The following PIK3R4 variants were observed in gnomAD, a reference collection of about 807,000 sequenced individuals.
PIK3R4 encodes the protein phosphoinositide-3-kinase regulatory subunit 4, also known as phosphoinositide 3-kinase regulatory subunit 4.
PIK3R4 carries 46 observed loss-of-function variants against 136.5 expected under a neutral mutation model. The ratio of observed to expected loss-of-function variants is 0.34; its 90% confidence interval spans 0.27 to 0.43. The LOEUF is 0.43. PIK3R4 is among the 20% of genes least tolerant of loss of function. The pLI, the probability that PIK3R4 is intolerant of heterozygous loss-of-function variation, is 1.00. For synonymous variants in PIK3R4, 557 were observed against 566.7 expected, an observed-to-expected ratio of 0.98 and a Z score of 0.24; for missense variants, 1,331 against 1,649.5, an observed-to-expected ratio of 0.81 and a Z score of 3.35.
intron 6 of PIK3R4, among the ~76,000 whole-genome samples, chr3:130,724,817 C>G (rs2066722634): frequency 1.3e-5 from 2 of 151,794 alleles, no homozygotes; most frequent in Admixed American, 1.3e-4. Context: ...AAATCTTCAT[C>G]TGGCACAGAA....
At chr3:130,689,982 C>T (rs976745915) in intron 14 of PIK3R4, among the ~76,000 whole-genome samples, 4 of 152,174 alleles carry the variant, frequency 2.6e-5, no homozygotes, top group East Asian at 1.9e-4. Flanking sequence ...ATAAAACCAC[C>T]GCTATTTTGT....
At chr3:130,706,439 G>A (rs1020751927) in intron 11 of PIK3R4, among the ~76,000 whole-genome samples, 3 of 152,100 alleles carry the variant, frequency 2.0e-5, no homozygotes, top group African/African-American at 7.2e-5. Context: ...TATGGGTACC[G>A]GAAGTACAGT....
chr3:130,702,378 T>A (rs1212747560), intron 13 of PIK3R4, among the ~76,000 whole-genome samples: 1 of 152,152 alleles, frequency 6.6e-6, no homozygotes, highest in African/African-American at 2.4e-5. Flanking sequence ...TTAAATTATG[T>A]TCTGACCAAT....
rs539061990 is a variant in PIK3R4 at position 130,727,284 on chromosome 3, A to T, written c.1807+1179T>A. Among the ~76,000 whole-genome samples, 12 of 151,226 alleles carry T rather than the reference A, an allele frequency of 7.9e-5. No individual in the cohort carries two copies. The South Asian group carries it at 1.9e-3, about 24-fold the overall frequency. ...CACCCAGGCCTGACTGCAGTGGCGC[A>T]ATCTCAGCTCACTGCAAGCTCCGCC... On this transcript the variant is annotated intron_variant, in intron 6 of 19. Transcript: ENST00000356763.
intron 13 of PIK3R4, among the ~76,000 whole-genome samples, chr3:130,695,834 T>C (rs962020364): frequency 5.9e-5 from 9 of 152,182 alleles, no homozygotes; most frequent in Admixed American, 1.3e-4. Context: ...ACTAGGGGTC[T>C]TGGATTGTCT....
At chr3:130,729,739 C>A (rs998986806) in intron 5 of PIK3R4, among the ~76,000 whole-genome samples, 1 of 152,120 alleles carries the variant, frequency 6.6e-6, no homozygotes, top group African/African-American at 2.4e-5. Context: ...TAGTTTTTCA[C>A]AACTAGAAGC....
intron 16 of PIK3R4, 95 bp from the exon 17 acceptor site, chr3:130,681,686 A>T: frequency 1.4e-6 from 1 of 695,632 alleles, no homozygotes; most frequent in Non-Finnish European, 2.5e-6. Flanking sequence ...AAGAAAGAAA[A>T]ATTTCTTTCT....
intron 13 of PIK3R4, among the ~76,000 whole-genome samples, chr3:130,696,241 C>A (rs543390526): frequency 6.6e-6 from 1 of 150,956 alleles, no homozygotes; most frequent in East Asian, 2.0e-4. Flanking sequence ...TCTACTTTTG[C>A]TGATTTTTTT....
intron 7 of PIK3R4, among the ~76,000 whole-genome samples, chr3:130,719,587 A>G (rs139367518): frequency 2.0e-5 from 3 of 152,142 alleles, no homozygotes; most frequent in African/African-American, 7.2e-5. Flanking sequence ...GACACTGGGT[A>G]TTTTCCCTGT....
chr3:130,701,385 G>A (rs528853894), intron 13 of PIK3R4, among the ~76,000 whole-genome samples: 14 of 152,046 alleles, frequency 9.2e-5, no homozygotes, highest in South Asian at 6.2e-4. Context: ...GGTGGCACAC[G>A]CCTGTAGTCC....
intron 7 of PIK3R4, among the ~76,000 whole-genome samples, chr3:130,723,044 C>T (rs143830919): frequency 0.019 from 1,894 of 98,034 alleles, 17 homozygotes; most frequent in Middle Eastern, 0.15. Context: ...GCCTGGGTGA[C>T]AGAGTGAGAG....
chr3:130,697,898 T>C (rs2066555247), intron 13 of PIK3R4, among the ~76,000 whole-genome samples: 1 of 152,228 alleles, frequency 6.6e-6, no homozygotes, highest in Admixed American at 6.5e-5. Flanking sequence ...CCTTTAGTAT[T>C]TCTTTTAGGG....
chr3:130,701,523 G>A (rs2066574678), intron 13 of PIK3R4, among the ~76,000 whole-genome samples: 1 of 150,098 alleles, frequency 6.7e-6, no homozygotes, highest in Admixed American at 6.7e-5. Context: ...AAAAAAAAAA[G>A]GCTAAGAATG....
chr3:130,741,114 A>G lies in PIK3R4; in HGVS notation c.733+3372T>C, dbSNP rs578096095. Among the ~76,000 whole-genome samples, 3 of 152,308 alleles carry G rather than the reference A, an allele frequency of 2.0e-5. No individual in the cohort carries two copies. In the South Asian group the frequency reaches 6.2e-4, roughly 32 times the overall value. ...CCCCTGCCTCCCCTCCTGCAAGTTC[A>G]TATGTTTAATCTCCATACCTTAGAA... On this transcript the variant is annotated intron_variant, in intron 2 of 19. Transcript: ENST00000356763.
At chr3:130,745,826 G>C (rs2066849801) in intron 1 of PIK3R4, among the ~76,000 whole-genome samples, 1 of 152,080 alleles carries the variant, frequency 6.6e-6, no homozygotes, top group Middle Eastern at 3.4e-3. Context: ...GCTCAAGACG[G>C]GGCTGGCCAA....
rs56152706 is a variant in PIK3R4, at chr3:130,681,575, G to A, written c.3624C>T (p.Asn1208=). 3.3e-5 allele frequency: 53 copies of A among 1,607,642 alleles called. No homozygotes were observed. Among genetic ancestry groups the A allele is most frequent in the South Asian group, 6.6e-5 (6 of 90,942 alleles). Reference sequence around the variant, plus strand: ...TCTCCATGTCCCACATGGACACTTCGTTGTTGCCCTGAACAGCTAAAGGAA... The same window carrying A: ...TCTCCATGTCCCACATGGACACTTCATTGTTGCCCTGAACAGCTAAAGGAA... The part of the protein sequence containing the change: ...SWVIAAVQGN[N]EVSMWDMETG... The change falls in exon 17 of 20, where the codon AAC becomes AAT. Residue 1208 remains asparagine (N), a synonymous_variant. Coordinates refer to ENST00000356763, the MANE Select transcript of PIK3R4 (RefSeq NM_014602.3).
In PIK3R4 at chr3:130,746,809, G is replaced by A. The variant is rs1031173935; in HGVS notation, c.-538C>T. The A allele has an allele frequency of 1.3e-5, 2 of 152,314 alleles. No individual in the cohort carries two copies. The highest frequency in any genetic ancestry group is 1.3e-4 in the Admixed American group (2 of 15,288). 9.4% of individuals were successfully genotyped at this position (152,314 alleles called of 1,614,324 possible). A position where few individuals can be genotyped will look rare whatever the true frequency, so the allele number is the denominator to read the frequency against. On this transcript the variant is annotated 5_prime_UTR_variant, in exon 1 of 20. Coordinates refer to ENST00000356763, the MANE Select transcript of PIK3R4 (RefSeq NM_014602.3). ...GCCCCAGCAAACGCCGAACTCCCGG[G>A]AAAGCAACCGGTCTGACCTCACTTC...
chr3:130,698,571 T>G (rs1204617409), intron 13 of PIK3R4, among the ~76,000 whole-genome samples: 1 of 152,192 alleles, frequency 6.6e-6, no homozygotes, highest in East Asian at 1.9e-4. Flanking sequence ...TATTGTCTAT[T>G]TGGTTAGACA....
intron 2 of PIK3R4, among the ~76,000 whole-genome samples, chr3:130,740,644 G>C (rs1292973794): frequency 6.6e-6 from 1 of 152,076 alleles, no homozygotes; most frequent in Non-Finnish European, 1.5e-5. Context: ...GGAGGCAGCA[G>C]CATGATACCC....
Sources: allele counts gnomAD v4.1 joint callset (sites outside exome capture counted in the v4.1 genomes callset), GRCh38; gene constraint gnomAD v4.1.1; transcripts MANE v1.5; gene names NCBI Gene and HGNC (gene_info 2026-07-23, HGNC 2026-07-21).